Variants in RNASEH1 observed in about 807,000 individuals in gnomAD.
RNASEH1 encodes the protein ribonuclease H type II.
Under a neutral mutation model 34.6 loss-of-function variants are expected in RNASEH1, and 27 were observed. The observed-to-expected ratio is 0.78, with a 90% confidence interval of 0.58 to 1.08. The LOEUF (loss-of-function observed/expected upper bound fraction) is 1.08, where lower values mean the gene tolerates loss of function less well. RNASEH1 is among the 50% of genes least tolerant of loss of function. RNASEH1 has a pLI of 0.00. For missense variants in RNASEH1, 349 were observed against 373.6 expected, an observed-to-expected ratio of 0.93 and a Z score of 0.54; for synonymous variants, 162 against 138.4, an observed-to-expected ratio of 1.17 and a Z score of -1.20.
In RNASEH1 at chr2:3,558,295, C is replaced by A; in HGVS notation, c.-35G>T. On this transcript the variant is annotated 5_prime_UTR_variant, in exon 1 of 8. Transcript: ENST00000315212. ...CCGGCACCGGGAAGCATTTCGACTC[C>A]CGGCCCAGCGTGGGCGCGAGCCGCC... The A allele has an allele frequency of 6.6e-7, 1 of 1,509,242 alleles. No individual in the cohort carries two copies. Among genetic ancestry groups the A allele is most frequent in the South Asian group, 1.3e-5 (1 of 78,094 alleles). 93.5% of individuals were successfully genotyped at this position (1,509,242 alleles called of 1,614,324 possible). A position where few individuals can be genotyped will look rare whatever the true frequency, so the allele number is the denominator to read the frequency against.
intron 2 of RNASEH1, among the ~76,000 whole-genome samples, chr2:3,552,821 C>T (rs976071122): frequency 1.3e-5 from 2 of 151,984 alleles, no homozygotes; most frequent in Non-Finnish European, 2.9e-5. Flanking sequence ...CATAGTGAGA[C>T]CCCTTTGCTT....
intron 7 of RNASEH1, among the ~76,000 whole-genome samples, chr2:3,547,648 C>T (rs1408946554): frequency 6.6e-6 from 1 of 151,906 alleles, no homozygotes; most frequent in East Asian, 1.9e-4. Flanking sequence ...CCACCATGCC[C>T]GGCTAATTTT....
At chr2:3,549,225 T>A in intron 4 of RNASEH1, 113 bp from the exon 5 acceptor site, 2 of 914,166 alleles carry the variant, frequency 2.2e-6, no homozygotes, top group East Asian at 4.9e-5. Context: ...TATAAAAGCA[T>A]CATATAAAAA....
At chr2:3,545,918 A>G (rs772733651) in intron 7 of RNASEH1, 47 bp from the exon 8 acceptor site, 1 of 1,310,894 alleles carries the variant, frequency 7.6e-7, no homozygotes, top group Non-Finnish European at 1.1e-6. Flanking sequence ...TCTTTACATA[A>G]GCAACACATG....
chr2:3,545,669 G>T lies in RNASEH1; in HGVS notation c.*116C>A. 1.4e-6 allele frequency: 1 copy of T among 715,930 alleles called. No individual in the cohort carries two copies. Among genetic ancestry groups the T allele is most frequent in the South Asian group, 1.5e-5 (1 of 66,432 alleles). 44.3% of individuals were successfully genotyped at this position (715,930 alleles called of 1,614,324 possible). On this transcript the variant is annotated 3_prime_UTR_variant, in exon 8 of 8. Coordinates refer to ENST00000315212, the MANE Select transcript of RNASEH1 (RefSeq NM_002936.6). ...CCACTGTGCCTGATTCCGTGTGAAAGACGCATCTGCCCATCACTGCAATGG... is the reference window on the plus strand; with the variant it reads ...CCACTGTGCCTGATTCCGTGTGAAATACGCATCTGCCCATCACTGCAATGG...
At position 3,558,246 on chromosome 2, in the gene RNASEH1, C is replaced by A. The variant is rs1351159191; in HGVS notation, c.15G>T (p.Leu5=). Residue 5 remains leucine (L), a synonymous_variant, in exon 1 of 8, where the codon CTG becomes CTT. Transcript: ENST00000315212. ...CCAAGGCGACTCTGTGGGCCAGGAA[C>A]AGAAGCCAGCTCATCGCTCACTCCC... MSWL[L]FLAHRVALAA... 1.3e-6 allele frequency: 2 copies of A among 1,591,000 alleles called. No homozygotes were observed. The highest frequency in any genetic ancestry group is 1.8e-5 in the Admixed American group (1 of 56,020).
chr2:3,552,357 G>C, intron 2 of RNASEH1, 49 bp from the exon 3 acceptor site: 1 of 1,543,152 alleles, frequency 6.5e-7, no homozygotes, highest in Non-Finnish European at 8.9e-7. Context: ...AACATAACAC[G>C]AAATGCTAGA....
the RNASEH1 span, chr2:3,532,102 G>A: frequency 1.6e-5 from 10 of 613,698 alleles, no homozygotes; most frequent in East Asian, 5.5e-5. Context: ...TGCAGCTGAC[G>A]AGTCAGGGAA....
chr2:3,537,551 C>T (rs1476527657), downstream of RNASEH1, among the ~76,000 whole-genome samples: 1 of 151,820 alleles, frequency 6.6e-6, no homozygotes, highest in African/African-American at 2.4e-5. Context: ...AGTGAGACCC[C>T]AGCTCTAACA....
At chr2:3,532,714 A>G in the RNASEH1 span, among the ~76,000 whole-genome samples, 3 of 152,202 alleles carry the variant, frequency 2.0e-5, no homozygotes, top group African/African-American at 7.2e-5. Flanking sequence ...TATGCAGTGC[A>G]TCATTGACAG....
rs750326241 is a variant in RNASEH1 at position 3,552,260 on chromosome 2, C to T, written c.293G>A (p.Arg98Gln). 43 of 1,613,956 alleles carry T rather than the reference C, an allele frequency of 2.7e-5. No homozygotes were observed. The highest frequency in any genetic ancestry group is 3.3e-5 in the Admixed American group (2 of 59,996). ...ATCTCCATCCAGTGGCTCACGGAGT[C>T]GCTTGCTGGCTTTCGCCTCCGATTC... is the stretch of plus-strand genomic sequence containing the variant. ...GQESEAKASKRLREPLDGDGH... is the reference protein window; with the variant it reads ...GQESEAKASKQLREPLDGDGH... The change falls in exon 3 of 8, where the codon CGA becomes CAA. Residue 98 changes from arginine (R) to glutamine (Q), a missense_variant. Coordinates refer to ENST00000315212, the MANE Select transcript of RNASEH1 (RefSeq NM_002936.6).
chr2:3,558,304 C>G lies in RNASEH1; in HGVS notation c.-44G>C, dbSNP rs758586512. 4.0e-6 allele frequency: 6 copies of G among 1,486,774 alleles called. No individual in the cohort carries two copies. In the South Asian group the frequency reaches 8.0e-5, roughly 20 times the overall value. 92.1% of individuals were successfully genotyped at this position (1,486,774 alleles called of 1,614,324 possible). On this transcript the variant is annotated 5_prime_UTR_variant, in exon 1 of 8. Coordinates refer to ENST00000315212, the MANE Select transcript of RNASEH1 (RefSeq NM_002936.6). ...GGAAGCATTTCGACTCCCGGCCCAG[C>G]GTGGGCGCGAGCCGCCGGCGCTCAA...
chr2:3,546,656 CCTGTGTATT>C (rs1668781510), intron 7 of RNASEH1, among the ~76,000 whole-genome samples: 1 of 152,136 alleles, frequency 6.6e-6, no homozygotes, highest in African/African-American at 2.4e-5. Context: ...AACCACACTG[CCTGTGTATT>C]CTATGCCTAG....
At chr2:3,548,998 T>C (rs1388917414) in intron 5 of RNASEH1, 60 bp downstream of exon 5, 2 of 1,293,330 alleles carry the variant, frequency 1.5e-6, no homozygotes, top group African/African-American at 1.5e-5. Context: ...AATTAGTTTA[T>C]TTGATAATTT....
the RNASEH1 span, among the ~76,000 whole-genome samples, chr2:3,534,813 AT>A: frequency 6.6e-6 from 1 of 152,240 alleles, no homozygotes; most frequent in Non-Finnish European, 1.5e-5. Context: ...ACAATGGAGC[AT>A]TCTTCAGCCT....
intron 6 of RNASEH1, 63 bp downstream of exon 6, chr2:3,548,577 C>T (rs772780855): frequency 4.0e-5 from 45 of 1,136,662 alleles, no homozygotes; most frequent in Non-Finnish European, 5.7e-5. Flanking sequence ...TGTTACAACA[C>T]CTCCTACCAA....
intron 2 of RNASEH1, among the ~76,000 whole-genome samples, chr2:3,553,229 G>T (rs192143211): frequency 6.6e-6 from 1 of 151,206 alleles, no homozygotes; most frequent in Non-Finnish European, 1.5e-5. Flanking sequence ...GCCTGGGCGA[G>T]AGAGTGAGAC....
At chr2:3,552,034 G>C in intron 3 of RNASEH1, 110 bp downstream of exon 3, 1 of 782,316 alleles carries the variant, frequency 1.3e-6, no homozygotes. Context: ...ACATAAGAAT[G>C]AAGATGATAA....
Position 3,544,472 on chromosome 2 carries a change from CA to C in RNASEH1, c.*1312del, listed in dbSNP as rs1005403945. ...ACACTGAAGTAGATAAAAAAATAAACAAAAAAAAGCAGACAAGACTAAACTG... is the reference window on the plus strand; with the variant it reads ...ACACTGAAGTAGATAAAAAAATAAACAAAAAAAGCAGACAAGACTAAACTG... On this transcript the variant is annotated 3_prime_UTR_variant, in exon 8 of 8. Transcript: ENST00000315212. 6.6e-6 allele frequency among the ~76,000 whole-genome samples: 1 copy of C among 151,508 alleles called. No individual in the cohort carries two copies. Among genetic ancestry groups the C allele is most frequent in the Non-Finnish European group, 1.5e-5 (1 of 67,852 alleles).
Sources: allele counts gnomAD v4.1 joint callset (sites outside exome capture counted in the v4.1 genomes callset), GRCh38; gene constraint gnomAD v4.1.1; transcripts MANE v1.5; gene names NCBI Gene and HGNC (gene_info 2026-07-23, HGNC 2026-07-21).